BBX: variants seen among roughly 807,000 people sequenced by gnomAD.
BBX encodes HMG box transcription factor BBX.
A neutral mutation model predicts 100.2 loss-of-function variants in BBX; 30 were observed. The observed-to-expected ratio is 0.30, with a 90% CI of 0.22 to 0.41. The LOEUF (loss-of-function observed/expected upper bound fraction) is 0.41. BBX is among the 10% of genes least tolerant of loss of function. The pLI, the probability that BBX is intolerant of heterozygous loss-of-function variation, is 1.00. For missense variants in BBX, 1,023 were observed against 1,129.8 expected (o/e 0.91, Z 1.35); for synonymous variants, 376 against 388.1 (o/e 0.97, Z 0.37).
At chr3:107,630,781 C>T (rs1185814898) in intron 2 of BBX, among the ~76,000 whole-genome samples, 1 of 152,118 alleles carries the variant, frequency 6.6e-6, no homozygotes, top group Non-Finnish European at 1.5e-5. Flanking sequence ...TGAGGATTAG[C>T]TTGCCCAGAG....
chr3:107,621,218 C>A (rs2055740560), intron 2 of BBX, among the ~76,000 whole-genome samples: 1 of 152,096 alleles, frequency 6.6e-6, no homozygotes, highest in Non-Finnish European at 1.5e-5. Context: ...GGGGAGCTGG[C>A]TTTTTTGTCT....
Position 107,805,538 on chromosome 3 carries a change from T to G in BBX, c.*81T>G. 3.7e-6 allele frequency: 6 copies of G among 1,610,650 alleles called. No individual in the cohort carries two copies. Among genetic ancestry groups the G allele is most frequent in the Non-Finnish European group, 5.1e-6 (6 of 1,178,062 alleles). ...ACCGAGGGATGCTAGTGAGTCCAAGTGGTGGAAAATATAGACTGCAAACAA... is the reference window on the plus strand; with the variant it reads ...ACCGAGGGATGCTAGTGAGTCCAAGGGGTGGAAAATATAGACTGCAAACAA... On this transcript the variant is annotated 3_prime_UTR_variant, in exon 18 of 18. Coordinates refer to ENST00000325805, the MANE Select transcript of BBX (RefSeq NM_001142568.3).
chr3:107,637,081 C>CT (rs957782436), intron 2 of BBX, among the ~76,000 whole-genome samples: 10 of 151,960 alleles, frequency 6.6e-5, no homozygotes, highest in Admixed American at 3.3e-4. Context: ...AATAATAGAC[C>CT]TTTTTTTAGA....
chr3:107,607,319 G>A (rs952806808), intron 2 of BBX, among the ~76,000 whole-genome samples: 5 of 152,236 alleles, frequency 3.3e-5, no homozygotes, highest in African/African-American at 1.2e-4. Flanking sequence ...GACCTCAGGT[G>A]ATCCACCCGC....
chr3:107,552,963 C>T (rs2049813336), intron 2 of BBX, among the ~76,000 whole-genome samples: 1 of 152,140 alleles, frequency 6.6e-6, no homozygotes, highest in Admixed American at 6.5e-5. Context: ...TAATTTTACC[C>T]ACCCTTTAAA....
chr3:107,647,074 C>G (rs543605966), intron 3 of BBX, among the ~76,000 whole-genome samples: 69 of 152,218 alleles, frequency 4.5e-4, no homozygotes, highest in Middle Eastern at 3.4e-3. Context: ...ACTGTGCTAT[C>G]CTTCAAGGCA....
At chr3:107,583,036 C>T (rs1031041573) in intron 2 of BBX, among the ~76,000 whole-genome samples, 23 of 151,140 alleles carry the variant, frequency 1.5e-4, no homozygotes, top group Admixed American at 9.3e-4. Context: ...GGCTGTTAGC[C>T]TCATTACATA....
At chr3:107,792,889 T>A (rs1335631271) in intron 15 of BBX, among the ~76,000 whole-genome samples, 1 of 152,214 alleles carries the variant, frequency 6.6e-6, no homozygotes, top group African/African-American at 2.4e-5. Flanking sequence ...TCTGTTTTTT[T>A]AAACACTGAA....
At chr3:107,764,080 C>T (rs1386741923) in intron 10 of BBX, among the ~76,000 whole-genome samples, 1 of 152,140 alleles carries the variant, frequency 6.6e-6, no homozygotes, top group Non-Finnish European at 1.5e-5. Flanking sequence ...GCAACCTCTG[C>T]CTCCTGGGTT....
chr3:107,746,617 C>A (rs140621323), intron 8 of BBX, among the ~76,000 whole-genome samples: 1 of 151,850 alleles, frequency 6.6e-6, no homozygotes, highest in Non-Finnish European at 1.5e-5. Context: ...AGTCTCTCTA[C>A]TAATTTTTTT....
chr3:107,552,585 T>C (rs2049788728), intron 2 of BBX, among the ~76,000 whole-genome samples: 1 of 152,160 alleles, frequency 6.6e-6, no homozygotes, highest in South Asian at 2.1e-4. Flanking sequence ...TTGGGACATA[T>C]AGGATTTATT....
intron 2 of BBX, among the ~76,000 whole-genome samples, chr3:107,631,461 A>G (rs1375900427): frequency 6.6e-6 from 1 of 151,930 alleles, no homozygotes; most frequent in Non-Finnish European, 1.5e-5. Context: ...ACTTTAACCA[A>G]ACATTTTTGT....
Position 107,774,694 on chromosome 3 carries a change from C to A in BBX, c.1916-25C>A, listed in dbSNP as rs370953299. 129 of 1,610,938 alleles carry A rather than the reference C, an allele frequency of 8.0e-5. No individual in the cohort carries two copies. In the African/African-American group the frequency reaches 1.4e-3, roughly 17 times the overall value. On this transcript the variant is annotated intron_variant, in intron 11 of 17. Transcript: ENST00000325805. ...CCCTCGCCCACCTGTATACCAAACA[C>A]ATCCTTTCTCTTGAATTTTCTTAGG...
At chr3:107,642,479 G>C (rs2057274468) in intron 2 of BBX, among the ~76,000 whole-genome samples, 1 of 152,214 alleles carries the variant, frequency 6.6e-6, no homozygotes, top group Non-Finnish European at 1.5e-5. Context: ...GAAGCCAGCG[G>C]AAGGTTTTGT....
At chr3:107,791,402 C>A in intron 15 of BBX, 103 bp downstream of exon 15, 1 of 931,048 alleles carries the variant, frequency 1.1e-6, no homozygotes, top group Non-Finnish European at 1.7e-6. Context: ...TAAACAACAG[C>A]ACTAGACTTA....
At chr3:107,631,371 T>TA (rs1247546469) in intron 2 of BBX, among the ~76,000 whole-genome samples, 1 of 152,178 alleles carries the variant, frequency 6.6e-6, no homozygotes, top group Non-Finnish European at 1.5e-5. Context: ...CTGTAGAAGA[T>TA]ACGTGCGGTG....
intron 2 of BBX, among the ~76,000 whole-genome samples, chr3:107,562,326 T>C (rs555035940): frequency 2.6e-5 from 4 of 152,360 alleles, no homozygotes; most frequent in Non-Finnish European, 2.9e-5. Context: ...CAAATGTTCA[T>C]GCCTTGAACA....
chr3:107,626,095 A>G (rs2056151475), intron 2 of BBX, among the ~76,000 whole-genome samples: 1 of 152,196 alleles, frequency 6.6e-6, no homozygotes, highest in South Asian at 2.1e-4. Context: ...TCCAAATTAT[A>G]CAATCGATAA....
intron 9 of BBX, among the ~76,000 whole-genome samples, chr3:107,748,998 TAA>T (rs1444606690): frequency 6.9e-6 from 1 of 145,390 alleles, no homozygotes. Context: ...GCTCTTACAT[TAA>T]AAAAAAAAAG....
Sources: gnomAD v4.1 joint callset for allele counts (sites outside exome capture counted in the v4.1 genomes callset) on GRCh38, gnomAD v4.1.1 for gene constraint, MANE v1.5 for transcripts, NCBI Gene and HGNC (gene_info 2026-07-23, HGNC 2026-07-21) for gene names.